KCNQ3: variants seen among roughly 807,000 people sequenced by gnomAD.
KCNQ3 encodes potassium voltage-gated channel subfamily KQT member 3.
A neutral mutation model predicts 92.5 loss-of-function variants in KCNQ3; 30 were observed. The ratio of observed to expected loss-of-function variants is 0.32; its 90% CI spans 0.24 to 0.44. The LOEUF is 0.44. KCNQ3 is among the 20% of genes least tolerant of loss of function. The pLI, the probability that KCNQ3 is intolerant of heterozygous loss-of-function variation, is 1.00. For synonymous variants in KCNQ3, 450 were observed against 468.8 expected (o/e 0.96, Z 0.52); for missense variants, 913 against 1,140.3 (o/e 0.80, Z 2.87).
chr8:132,182,401 T>A (rs1826815088), intron 3 of KCNQ3, among the ~76,000 whole-genome samples: 2 of 152,178 alleles, frequency 1.3e-5, no homozygotes. Flanking sequence ...CTCTTTCCCA[T>A]AGGGCCACAT....
At position 132,305,406 on chromosome 8, in the gene KCNQ3, C is replaced by T. The variant is rs1416669102; in HGVS notation, c.387-119225G>A. ...CTGTCTAGACAATGCATATTAAAAC[C>T]ATCTTAGGACTAACCCCACAATCTT... On this transcript the variant is annotated intron_variant, in intron 1 of 14. Transcript: ENST00000388996. 1.1e-4 allele frequency among the ~76,000 whole-genome samples: 17 copies of T among 152,160 alleles called. 1 individual carries two copies. The highest frequency in any genetic ancestry group is 1.1e-3 in the Admixed American group (17 of 15,264).
chr8:132,140,022 T>A, intron 11 of KCNQ3, 54 bp downstream of exon 11: 1 of 1,222,260 alleles, frequency 8.2e-7, no homozygotes, highest in East Asian at 2.4e-5. Context: ...CCTGTGGGAG[T>A]TGAGCTGGAG....
At chr8:132,283,353 A>C (rs571480831) in intron 1 of KCNQ3, among the ~76,000 whole-genome samples, 1 of 152,348 alleles carries the variant, frequency 6.6e-6, no homozygotes, top group South Asian at 2.1e-4. Flanking sequence ...AAAGGAATAC[A>C]TTAATAGATT....
At chr8:132,435,486 C>A (rs918439740) in intron 1 of KCNQ3, among the ~76,000 whole-genome samples, 2 of 152,118 alleles carry the variant, frequency 1.3e-5, no homozygotes, top group African/African-American at 4.8e-5. Context: ...ATCTGTGCGA[C>A]CTTAACCTCT....
intron 1 of KCNQ3, among the ~76,000 whole-genome samples, chr8:132,463,243 A>G (rs1224735874): frequency 6.6e-6 from 1 of 152,208 alleles, no homozygotes; most frequent in Admixed American, 6.5e-5. Context: ...AGTAACAAGA[A>G]GTATTTGGAA....
intron 1 of KCNQ3, among the ~76,000 whole-genome samples, chr8:132,203,518 G>A (rs541998166): frequency 2.0e-5 from 3 of 152,306 alleles, no homozygotes; most frequent in African/African-American, 7.2e-5. Flanking sequence ...GCAGGCAGTC[G>A]TGACTCAGTA....
chr8:132,397,299 G>A (rs1186299135), intron 1 of KCNQ3, among the ~76,000 whole-genome samples: 1 of 152,064 alleles, frequency 6.6e-6, no homozygotes, highest in Non-Finnish European at 1.5e-5. Context: ...AAGGTACAAT[G>A]AGCTGGGAAA....
intron 1 of KCNQ3, among the ~76,000 whole-genome samples, chr8:132,423,322 T>C (rs777780443): frequency 2.6e-5 from 4 of 152,188 alleles, no homozygotes; most frequent in African/African-American, 7.2e-5. Context: ...CCCAATCCCA[T>C]TGAGTTGGGT....
chr8:132,457,701 C>A (rs895485391), intron 1 of KCNQ3, among the ~76,000 whole-genome samples: 1 of 152,172 alleles, frequency 6.6e-6, no homozygotes, highest in Non-Finnish European at 1.5e-5. Flanking sequence ...GCCTGTGTAC[C>A]AATCTGCCTT....
chr8:132,229,261 A>G (rs1190589997), intron 1 of KCNQ3, among the ~76,000 whole-genome samples: 1 of 56,240 alleles, frequency 1.8e-5, no homozygotes, highest in Non-Finnish European at 4.7e-5. Flanking sequence ...ACTCCGTCTC[A>G]AAAAAAAAAA....
chr8:132,289,533 T>A (rs1816782166), intron 1 of KCNQ3, among the ~76,000 whole-genome samples: 1 of 152,176 alleles, frequency 6.6e-6, no homozygotes, highest in East Asian at 1.9e-4. Context: ...TTTTCTCTTC[T>A]ATCTGTGTGT....
chr8:132,280,100 A>T (rs939952577), intron 1 of KCNQ3, among the ~76,000 whole-genome samples: 10 of 152,200 alleles, frequency 6.6e-5, no homozygotes, highest in African/African-American at 2.2e-4. Flanking sequence ...TGGAACTTAC[A>T]GTTTGTTGGG....
chr8:132,305,058 G>A (rs983652706), intron 1 of KCNQ3, among the ~76,000 whole-genome samples: 3 of 152,156 alleles, frequency 2.0e-5, no homozygotes, highest in Non-Finnish European at 4.4e-5. Flanking sequence ...CAGTGCCTGG[G>A]AGGCTGATCT....
At chr8:132,299,011 A>G (rs1200515385) in intron 1 of KCNQ3, among the ~76,000 whole-genome samples, 1 of 152,108 alleles carries the variant, frequency 6.6e-6, no homozygotes, top group Non-Finnish European at 1.5e-5. Flanking sequence ...ACAGAGTTTA[A>G]CAGGGTCTAG....
intron 1 of KCNQ3, among the ~76,000 whole-genome samples, chr8:132,336,882 T>C (rs1428294936): frequency 6.6e-6 from 1 of 152,204 alleles, no homozygotes; most frequent in Non-Finnish European, 1.5e-5. Context: ...GGTTGTGCAC[T>C]GCATAAGGGT....
At chr8:132,452,604 C>T (rs1406362794) in intron 1 of KCNQ3, among the ~76,000 whole-genome samples, 1 of 152,166 alleles carries the variant, frequency 6.6e-6, no homozygotes, top group Non-Finnish European at 1.5e-5. Flanking sequence ...ACTCCTTCCA[C>T]TGGCCAAGGG....
intron 9 of KCNQ3, among the ~76,000 whole-genome samples, chr8:132,152,055 C>T (rs2915574): frequency 0.54 from 81,391 of 152,036 alleles, 22,117 homozygotes; most frequent in African/African-American, 0.6. Flanking sequence ...CTAACGACCC[C>T]GGACATTTGA....
At chr8:132,310,106 G>C (rs1429568438) in intron 1 of KCNQ3, among the ~76,000 whole-genome samples, 1 of 152,160 alleles carries the variant, frequency 6.6e-6, no homozygotes, top group Non-Finnish European at 1.5e-5. Context: ...GAATGTGACT[G>C]AGTTCAAAGC....
At chr8:132,410,767 T>C (rs1820631014) in intron 1 of KCNQ3, among the ~76,000 whole-genome samples, 1 of 152,226 alleles carries the variant, frequency 6.6e-6, no homozygotes, top group African/African-American at 2.4e-5. Context: ...GGTCATGTCA[T>C]TACACGATAA....
Sources: gnomAD v4.1 joint callset for allele counts (sites outside exome capture counted in the v4.1 genomes callset) on GRCh38, gnomAD v4.1.1 for gene constraint, MANE v1.5 for transcripts, NCBI Gene and HGNC (gene_info 2026-07-23, HGNC 2026-07-21) for gene names.